The following GOLGB1 variants were observed in gnomAD, a reference collection of about 807,000 sequenced individuals.
GOLGB1 encodes the protein golgin subfamily B member 1.
A neutral mutation model predicts 336.9 loss-of-function variants in GOLGB1; 174 were observed. The ratio of observed to expected loss-of-function variants is 0.52; its 90% CI spans 0.46 to 0.59. The LOEUF is 0.59. Ranked by LOEUF, GOLGB1 falls within the 20% of genes least tolerant of loss-of-function variation. The pLI, the probability that GOLGB1 is intolerant of heterozygous loss-of-function variation, is 0.00. For synonymous variants in GOLGB1, 1,208 were observed against 1,289.2 expected (o/e 0.94, Z 1.35); for missense variants, 3,331 against 3,645.3 (o/e 0.91, Z 2.22).
intron 14 of GOLGB1, among the ~76,000 whole-genome samples, chr3:121,690,104 TG>T (rs1443170158): frequency 6.6e-6 from 1 of 152,244 alleles, no homozygotes; most frequent in Non-Finnish European, 1.5e-5. Context: ...TGGTTCAGCC[TG>T]CAAATAAAAC....
At chr3:121,739,919 A>G in intron 1 of GOLGB1, among the ~76,000 whole-genome samples, 1 of 152,226 alleles carries the variant, frequency 6.6e-6, no homozygotes, top group Non-Finnish European at 1.5e-5. Flanking sequence ...ACTTAGATGG[A>G]TCTCCAGAAA....
At position 121,691,172 on chromosome 3, in the gene GOLGB1, T is replaced by C; in HGVS notation, c.8192A>G (p.Asn2731Ser). 1 of 1,613,518 alleles carries C rather than the reference T, an allele frequency of 6.2e-7. No homozygotes were observed. Among genetic ancestry groups the C allele is most frequent in the Non-Finnish European group, 8.5e-7 (1 of 1,179,904 alleles). ...CTGAATTTGTGCTGTGAGACCTTTA[T>C]TTTCTTTGGTGACCATGAGTAATTT... is the stretch of plus-strand genomic sequence containing the variant. ...EQKLLMVTKE[N>S]KGLTAQIQSF... Residue 2731 changes from asparagine (N) to serine (S), a missense_variant, in exon 14 of 22, where the codon AAT (asparagine) becomes AGT (serine). Transcript: ENST00000614479.
chr3:121,687,033 G>A lies in GOLGB1; in HGVS notation c.8694+3637C>T, dbSNP rs184479493. On this transcript the variant is annotated intron_variant, in intron 14 of 21. Coordinates refer to ENST00000614479, the MANE Select transcript of GOLGB1 (RefSeq NM_001366282.2). ...TCACGCCTGTAATTCCAGCACTTTG[G>A]GAGCCGAGGCAGGTGGATCACTTGA... 3.8e-4 allele frequency among the ~76,000 whole-genome samples: 58 copies of A among 152,320 alleles called. No homozygotes were observed. In the East Asian group the frequency reaches 5.6e-3, roughly 15 times the overall value.
chr3:121,699,741 G>A (rs1008624440), intron 12 of GOLGB1, 71 bp downstream of exon 12: 9 of 854,500 alleles, frequency 1.1e-5, no homozygotes, highest in South Asian at 8.1e-5. Context: ...AATTATGGAC[G>A]TATTTTCATA....
intron 10 of GOLGB1, among the ~76,000 whole-genome samples, chr3:121,713,330 G>T (rs9824235): frequency 0.23 from 34,380 of 152,112 alleles, 4,191 homozygotes; most frequent in East Asian, 0.46. Context: ...GTTCACAGCA[G>T]TTTGATTCAT....
rs1943161941 is a variant in GOLGB1 at position 121,698,788 on chromosome 3, C to T, written c.1735G>A (p.Ala579Thr). Residue 579 changes from alanine to threonine, a missense_variant, in exon 13 of 22, where the codon GCA becomes ACA. Physicochemically the swap from Ala to Thr is moderately conservative, Grantham distance 58 (BLOSUM62 0). Transcript: ENST00000614479. Reference sequence around the variant, plus strand: ...CCCTGGAGCTGTAATTTAAGAAATGCAATTTCCTCTTGAGCTTCTTTCATT... The same window carrying T: ...CCCTGGAGCTGTAATTTAAGAAATGTAATTTCCTCTTGAGCTTCTTTCATT... ...LEMKEAQEEIAFLKLQLQGKR... is the reference protein window; with the variant it reads ...LEMKEAQEEITFLKLQLQGKR... 1 of 1,613,562 alleles carries T rather than the reference C, an allele frequency of 6.2e-7. No individual in the cohort carries two copies. The highest frequency in any genetic ancestry group is 8.5e-7 in the Non-Finnish European group (1 of 1,179,636).
intron 17 of GOLGB1, among the ~76,000 whole-genome samples, chr3:121,674,355 C>T (rs1012226468): frequency 6.6e-6 from 1 of 152,088 alleles, no homozygotes; most frequent in African/African-American, 2.4e-5. Flanking sequence ...GAAAGGCCTT[C>T]AATTTTTCCC....
chr3:121,698,992 CAACTA>C, intron 12 of GOLGB1, 63 bp from the exon 13 acceptor site: 1 of 1,237,362 alleles, frequency 8.1e-7, no homozygotes, highest in Non-Finnish European at 1.1e-6. Context: ...AAAAATAGCC[CAACTA>C]AAAACTTGTA....
chr3:121,730,073 C>T, intron 2 of GOLGB1, 56 bp from the exon 3 acceptor site: 2 of 1,259,588 alleles, frequency 1.6e-6, no homozygotes, highest in Non-Finnish European at 2.3e-6. Context: ...AGCTTCCCAA[C>T]AGGAGTTTCT....
intron 17 of GOLGB1, among the ~76,000 whole-genome samples, chr3:121,672,242 C>G (rs1939645140): frequency 6.6e-6 from 1 of 152,222 alleles, no homozygotes; most frequent in African/African-American, 2.4e-5. Context: ...ACTTACATTG[C>G]TAACAGTGTA....
chr3:121,694,866 T>A lies in GOLGB1; in HGVS notation c.5657A>T (p.Asp1886Val). Residue 1886 changes from aspartate (D) to valine (V), a missense_variant, in exon 13 of 22, where the codon GAT becomes GTT. Physicochemically the swap from Asp to Val is radical, Grantham distance 152. Coordinates refer to ENST00000614479, the MANE Select transcript of GOLGB1 (RefSeq NM_001366282.2). ...NTLLSQISTK[D>V]GELKMLQEEV... Reference sequence around the variant, plus strand: ...CTCCTGAAGCATTTTTAGTTCACCATCCTTTGTTGATATCTGACTCAGTAA... The same window carrying A: ...CTCCTGAAGCATTTTTAGTTCACCAACCTTTGTTGATATCTGACTCAGTAA... 6.2e-7 allele frequency: 1 copy of A among 1,613,892 alleles called. No individual in the cohort carries two copies. The highest frequency in any genetic ancestry group is 2.2e-5 in the East Asian group (1 of 44,878).
intron 1 of GOLGB1, among the ~76,000 whole-genome samples, chr3:121,747,181 TATATATATATATGG>T (rs1218060546): frequency 6.8e-4 from 85 of 125,644 alleles, no homozygotes; most frequent in African/African-American, 2.4e-3. Flanking sequence ...TATATATATA[TATATATATATATGG>T]ATGTTACATA....
chr3:121,670,700 G>A (rs1049285828), intron 17 of GOLGB1, among the ~76,000 whole-genome samples: 2 of 146,182 alleles, frequency 1.4e-5, no homozygotes, highest in Non-Finnish European at 3.0e-5. Flanking sequence ...CTATCTGATG[G>A]TGTCCAGTCT....
At chr3:121,685,084 A>G (rs551995658) in intron 14 of GOLGB1, among the ~76,000 whole-genome samples, 1 of 152,358 alleles carries the variant, frequency 6.6e-6, no homozygotes, top group Admixed American at 6.5e-5. Flanking sequence ...ACAAAAACTT[A>G]TTAATCTGGG....
intron 10 of GOLGB1, among the ~76,000 whole-genome samples, chr3:121,707,225 C>CAAAAA (rs554313106): frequency 3.2e-5 from 3 of 93,664 alleles, no homozygotes; most frequent in African/African-American, 4.5e-5. Context: ...GACTCCATCT[C>CAAAAA]AAAAAAAAAA....
intron 12 of GOLGB1, among the ~76,000 whole-genome samples, chr3:121,699,558 T>TA (rs1436564470): frequency 6.6e-6 from 1 of 152,088 alleles, no homozygotes; most frequent in Non-Finnish European, 1.5e-5. Context: ...TAACCCAGTA[T>TA]AAAAAAATGT....
At chr3:121,687,161 C>T (rs1371279732) in intron 14 of GOLGB1, among the ~76,000 whole-genome samples, 1 of 152,110 alleles carries the variant, frequency 6.6e-6, no homozygotes, top group Non-Finnish European at 1.5e-5. Context: ...ACTTGGGAGG[C>T]TGAGGCAGGA....
At position 121,722,419 on chromosome 3, in the gene GOLGB1, A is replaced by G; in HGVS notation, c.532-41T>C. The G allele has an allele frequency of 1.8e-6, 2 of 1,081,290 alleles. 1 individual carries two copies. Among genetic ancestry groups the G allele is most frequent in the Non-Finnish European group, 2.9e-6 (2 of 699,050 alleles). 67.0% of individuals were successfully genotyped at this position (1,081,290 alleles called of 1,614,324 possible). A position where few individuals can be genotyped will look rare whatever the true frequency, so the allele number is the denominator to read the frequency against. Reference sequence around the variant, plus strand: ...ACATAGAAGGAAAAAAAATTATTTAAGCAAAAGAATGAGCATTATTAATTC... The same window carrying G: ...ACATAGAAGGAAAAAAAATTATTTAGGCAAAAGAATGAGCATTATTAATTC... On this transcript the variant is annotated intron_variant, in intron 5 of 21. Transcript: ENST00000614479.
At chr3:121,705,154 C>T (rs1198682353) in intron 10 of GOLGB1, among the ~76,000 whole-genome samples, 3 of 152,144 alleles carry the variant, frequency 2.0e-5, no homozygotes, top group Admixed American at 2.0e-4. Flanking sequence ...ACAACTGTGG[C>T]ATCAGGAATA....
Sources: allele counts gnomAD v4.1 joint callset (sites outside exome capture counted in the v4.1 genomes callset), GRCh38; gene constraint gnomAD v4.1.1; transcripts MANE v1.5; gene names NCBI Gene and HGNC (gene_info 2026-07-23, HGNC 2026-07-21).